Variants in DENND1B observed in about 807,000 individuals in gnomAD.
DENND1B encodes DENN domain-containing protein 1B.
A neutral mutation model predicts 90.1 loss-of-function variants in DENND1B; 59 were observed. That is an observed-to-expected ratio of 0.65 (90% CI 0.53 to 0.81). The LOEUF (loss-of-function observed/expected upper bound fraction) is 0.81. Ranked by LOEUF, DENND1B falls within the 40% of genes least tolerant of loss-of-function variation. DENND1B has a pLI of 0.00. For missense variants in DENND1B, 862 were observed against 912.6 expected (o/e 0.94, Z 0.71); for synonymous variants, 337 against 324.6 (o/e 1.04, Z -0.41).
upstream of DENND1B, among the ~76,000 whole-genome samples, chr1:197,780,368 C>A (rs1269743611): frequency 6.6e-6 from 1 of 150,746 alleles, no homozygotes; most frequent in Non-Finnish European, 1.5e-5. Flanking sequence ...GCTCTGTCGC[C>A]AGGCTGGAGT....
intron 16 of DENND1B, among the ~76,000 whole-genome samples, chr1:197,547,869 CAT>C (rs1198447186): frequency 6.6e-6 from 1 of 152,092 alleles, no homozygotes; most frequent in Admixed American, 6.6e-5. Flanking sequence ...CCAGATTATT[CAT>C]ATATGTTTCT....
intron 2 of DENND1B, among the ~76,000 whole-genome samples, chr1:197,762,372 T>A (rs750590666): frequency 3.3e-5 from 5 of 152,050 alleles, no homozygotes; most frequent in African/African-American, 4.8e-5. Context: ...GTTCACGCCA[T>A]CCTCCTGCCT....
At chr1:197,750,585 G>GATAA (rs1653348749) in intron 2 of DENND1B, among the ~76,000 whole-genome samples, 1 of 151,716 alleles carries the variant, frequency 6.6e-6, no homozygotes, top group African/African-American at 2.4e-5. Flanking sequence ...TAGATAGATA[G>GATAA]ATAGATAGAT....
chr1:197,529,276 A>G (rs59658967), intron 20 of DENND1B, among the ~76,000 whole-genome samples: 19 of 131,874 alleles, frequency 1.4e-4, no homozygotes, highest in African/African-American at 4.1e-4. Flanking sequence ...GTGTATATGT[A>G]TATATGTATA....
In DENND1B at chr1:197,509,813, T is replaced by C. The variant is rs930583732; in HGVS notation, c.*647A>G. On this transcript the variant is annotated 3_prime_UTR_variant, in exon 23 of 23. Transcript: ENST00000620048. ...TTTCACTGAATGAAAGGTAAGTGTA[T>C]ATTTTTATACTTTTTGGAAAACATG... 6.6e-6 allele frequency: 1 copy of C among 152,166 alleles called. No individual in the cohort carries two copies. The highest frequency in any genetic ancestry group is 1.9e-4 in the East Asian group (1 of 5,148). 9.4% of individuals were successfully genotyped at this position (152,166 alleles called of 1,614,324 possible).
At chr1:197,544,955 G>GGA (rs1558222461) in intron 18 of DENND1B, among the ~76,000 whole-genome samples, 1 of 54,298 alleles carries the variant, frequency 1.8e-5, no homozygotes, top group South Asian at 8.7e-4. Context: ...GAAGAGAGAA[G>GGA]GGAGAAGGAG....
intron 15 of DENND1B, among the ~76,000 whole-genome samples, chr1:197,564,445 A>T (rs1672450721): frequency 6.7e-6 from 1 of 148,586 alleles, no homozygotes; most frequent in Non-Finnish European, 1.5e-5. Context: ...AGCTCAGATT[A>T]TCATTACCAT....
At chr1:197,612,077 G>T in intron 11 of DENND1B, 101 bp from the exon 12 acceptor site, 2 of 923,838 alleles carry the variant, frequency 2.2e-6, no homozygotes, top group Non-Finnish European at 3.3e-6. Context: ...TGTATTAAAT[G>T]CTCAGTTCCA....
rs201966719 is a variant in DENND1B at position 197,705,661 on chromosome 1, A to G, written c.126+9370T>C. 6.2e-3 allele frequency among the ~76,000 whole-genome samples: 944 copies of G among 151,782 alleles called. 49 individuals carry two copies. In the East Asian group the frequency reaches 0.12, roughly 19 times the overall value. On this transcript the variant is annotated intron_variant, in intron 3 of 22. Coordinates refer to ENST00000620048, the MANE Select transcript of DENND1B (RefSeq NM_001195215.2). Reference sequence around the variant, plus strand: ...AAGGTAGAAATTTAAAAAAAAAAAAAAAAGACCTGAACAGGAATAGGAGGT... The same window carrying G: ...AAGGTAGAAATTTAAAAAAAAAAAAGAAAGACCTGAACAGGAATAGGAGGT...
chr1:197,683,877 T>C (rs1026730754), intron 3 of DENND1B, among the ~76,000 whole-genome samples: 5 of 152,204 alleles, frequency 3.3e-5, no homozygotes, highest in African/African-American at 9.6e-5. Context: ...ACCAGATCAA[T>C]GGAGTTAGTG....
chr1:197,609,005 T>C (rs959092003), intron 12 of DENND1B, among the ~76,000 whole-genome samples: 5 of 150,352 alleles, frequency 3.3e-5, no homozygotes, highest in Non-Finnish European at 7.5e-5. Context: ...TTAGTATCAC[T>C]ATTTCATCTA....
rs759652012 is a variant in DENND1B, at chr1:197,545,926, T to G, written c.1346A>C (p.Lys449Thr). The G allele has an allele frequency of 1.9e-6, 3 of 1,600,822 alleles. No homozygotes were observed. The highest frequency in any genetic ancestry group is 1.3e-5 in the African/African-American group (1 of 74,288). ...TTAAATATCAAAAAAACTTACAAAT[T>G]TATATGCTGTCCGTACAGCAGGGGT... ...KATPAVRTAY[K>T]FAKNHAKLGL... is the part of the protein sequence containing the mutation. Residue 449 changes from lysine (K) to threonine (T), a missense_variant, in exon 18 of 23, where the codon AAA (lysine) becomes ACA (threonine). Transcript: ENST00000620048.
intron 20 of DENND1B, among the ~76,000 whole-genome samples, chr1:197,536,348 A>G (rs1669906292): frequency 6.6e-6 from 1 of 152,170 alleles, no homozygotes. Flanking sequence ...TATTTTATTT[A>G]ATTTGTGAGT....
intron 6 of DENND1B, among the ~76,000 whole-genome samples, chr1:197,656,515 A>G (rs1653844250): frequency 2.0e-5 from 3 of 152,230 alleles, no homozygotes; most frequent in Admixed American, 6.5e-5. Context: ...TTAGTAAATT[A>G]GCTCTTGTTA....
At chr1:197,633,542 C>T (rs1353476047) in intron 10 of DENND1B, among the ~76,000 whole-genome samples, 1 of 152,200 alleles carries the variant, frequency 6.6e-6, no homozygotes, top group Non-Finnish European at 1.5e-5. Context: ...TCATCAAGGG[C>T]TGGCTCCTAT....
At chr1:197,775,038 C>A in intron 1 of DENND1B, 101 bp downstream of exon 1, 1 of 856,842 alleles carries the variant, frequency 1.2e-6, no homozygotes, top group Non-Finnish European at 1.5e-6. Flanking sequence ...CTCGGCCGCC[C>A]GGGGAGCCGG....
At chr1:197,764,163 G>T (rs1041000776) in intron 2 of DENND1B, among the ~76,000 whole-genome samples, 2 of 152,134 alleles carry the variant, frequency 1.3e-5, no homozygotes, top group African/African-American at 4.8e-5. Context: ...TAGTACCATA[G>T]AGACAAGTTC....
chr1:197,662,322 T>A (rs1470024608), intron 5 of DENND1B, among the ~76,000 whole-genome samples: 1 of 152,062 alleles, frequency 6.6e-6, no homozygotes, highest in Non-Finnish European at 1.5e-5. Flanking sequence ...GAAGTAAAAT[T>A]ACTTAAGGAG....
At chr1:197,581,716 ATT>A (rs1674258129) in intron 15 of DENND1B, among the ~76,000 whole-genome samples, 1 of 152,200 alleles carries the variant, frequency 6.6e-6, no homozygotes, top group South Asian at 2.1e-4. Context: ...TATTAACTTT[ATT>A]AAGTGGTAAG....
Sources: allele counts gnomAD v4.1 joint callset (sites outside exome capture counted in the v4.1 genomes callset), GRCh38; gene constraint gnomAD v4.1.1; transcripts MANE v1.5; gene names NCBI Gene and HGNC (gene_info 2026-07-23, HGNC 2026-07-21).